Variants in SPRR2B observed in about 807,000 individuals in gnomAD.
SPRR2B encodes small proline rich protein 2B, also known as small proline-rich protein 2B.
Under a neutral mutation model 1.0 loss-of-function variants are expected in SPRR2B, and 1 was observed. The observed-to-expected ratio is 1.01, with a 90% CI of 0.36 to 4.77. SPRR2B has a LOEUF of 4.77. Among genes scored for constraint, SPRR2B ranks in the 30% most tolerant of loss-of-function variants. SPRR2B has a pLI of 0.16. For missense variants in SPRR2B, 53 were observed against 88.7 expected (o/e 0.60, Z 1.62); for synonymous variants, 27 against 33.4 (o/e 0.81, Z 0.66).
chr1:153,082,526 G>A, the SPRR2B span, among the ~76,000 whole-genome samples: 1 of 151,870 alleles, frequency 6.6e-6, no homozygotes, highest in South Asian at 2.1e-4. Flanking sequence ...CCAATCACAA[G>A]GAAATAAAAC....
the SPRR2B span, among the ~76,000 whole-genome samples, chr1:153,083,125 T>C: frequency 6.6e-6 from 1 of 152,196 alleles, no homozygotes; most frequent in African/African-American, 2.4e-5. Flanking sequence ...TTCTTAGAAA[T>C]ATACTGTCTA....
the SPRR2B span, among the ~76,000 whole-genome samples, chr1:153,081,384 T>C: frequency 1.3e-5 from 2 of 152,172 alleles, no homozygotes; most frequent in Non-Finnish European, 2.9e-5. Flanking sequence ...GATCAAGAGG[T>C]AGTGGGATGA....
the SPRR2B span, among the ~76,000 whole-genome samples, chr1:153,081,825 C>CTTTTTT: frequency 7.3e-6 from 1 of 137,002 alleles, no homozygotes; most frequent in Non-Finnish European, 1.6e-5. Flanking sequence ...CTTTTCTTTT[C>CTTTTTT]TTTTTTTTTT....
chr1:153,083,196 C>T, the SPRR2B span, among the ~76,000 whole-genome samples: 5 of 152,140 alleles, frequency 3.3e-5, no homozygotes, highest in African/African-American at 1.2e-4. Flanking sequence ...AATTGAATCA[C>T]TAATGTAAAA....
At chr1:153,086,596 A>G in the SPRR2B span, among the ~76,000 whole-genome samples, 1 of 152,158 alleles carries the variant, frequency 6.6e-6, no homozygotes, top group Non-Finnish European at 1.5e-5. Flanking sequence ...CTGAAAAGTA[A>G]GATACAACAG....
the SPRR2B span, among the ~76,000 whole-genome samples, chr1:153,079,512 T>A: frequency 6.6e-6 from 1 of 152,246 alleles, no homozygotes; most frequent in Non-Finnish European, 1.5e-5. Context: ...AACATTTAAG[T>A]CTTTAATCCA....
the SPRR2B span, among the ~76,000 whole-genome samples, chr1:153,085,029 G>A: frequency 1.3e-5 from 2 of 152,170 alleles, no homozygotes; most frequent in Non-Finnish European, 2.9e-5. Flanking sequence ...CCATCCAAAT[G>A]TCAGCAACTT....
chr1:153,070,558 G>A lies in SPRR2B; in HGVS notation c.*63C>T. 1 of 1,570,540 alleles carries A rather than the reference G, an allele frequency of 6.4e-7. No individual in the cohort carries two copies. Among genetic ancestry groups the A allele is most frequent in the Non-Finnish European group, 8.6e-7 (1 of 1,158,346 alleles). ...GCTTTGATGAGAAGATGAAGGTGGA[G>A]CTGTGGAACGAGGTGAGCCAATTAT... On this transcript the variant is annotated 3_prime_UTR_variant, in exon 2 of 2. Transcript: ENST00000368755.
the SPRR2B span, among the ~76,000 whole-genome samples, chr1:153,078,875 A>G: frequency 6.6e-6 from 1 of 152,224 alleles, no homozygotes; most frequent in African/African-American, 2.4e-5. Flanking sequence ...TTGGGTATAT[A>G]CCCAGTAATG....
At chr1:153,087,190 G>T in the SPRR2B span, among the ~76,000 whole-genome samples, 5 of 152,172 alleles carry the variant, frequency 3.3e-5, no homozygotes, top group South Asian at 1.0e-3. Context: ...TAAGGCAGGA[G>T]AATTGCTTGA....
intron 1 of SPRR2B, among the ~76,000 whole-genome samples, chr1:153,071,225 G>A (rs915241111): frequency 4.9e-5 from 7 of 142,320 alleles, no homozygotes; most frequent in Non-Finnish European, 8.0e-5. Context: ...GGCTTGACTT[G>A]GGCACAGAGC....
the SPRR2B span, among the ~76,000 whole-genome samples, chr1:153,085,658 A>G: frequency 2.6e-5 from 4 of 152,222 alleles, no homozygotes; most frequent in African/African-American, 9.6e-5. Flanking sequence ...AGAGGTAGAC[A>G]TTCAAATTCA....
upstream of SPRR2B, among the ~76,000 whole-genome samples, chr1:153,072,713 C>T (rs112878195): frequency 0.032 from 4,857 of 152,222 alleles, 240 homozygotes; most frequent in African/African-American, 0.11. Flanking sequence ...TTCCCAAAGC[C>T]CTCTAGCCCC....
In SPRR2B at chr1:153,070,959, A is replaced by G. The variant is rs1407991080; in HGVS notation, c.-19-101T>C. ...TGGCATATTATTTCTCCAATCTCCA[A>G]AAATTTATTTAAACTCTTAGCTCTC... On this transcript the variant is annotated intron_variant, in intron 1 of 1. Coordinates refer to ENST00000368755, the MANE Select transcript of SPRR2B (RefSeq NM_001388198.1). 1.7e-5 allele frequency: 17 copies of G among 1,013,766 alleles called. 2 individuals are homozygous for G. Among genetic ancestry groups the G allele is most frequent in the Non-Finnish European group, 2.4e-5 (17 of 721,450 alleles). 62.8% of individuals were successfully genotyped at this position (1,013,766 alleles called of 1,614,324 possible).
upstream of SPRR2B, among the ~76,000 whole-genome samples, chr1:153,073,487 C>CA (rs2101612243): frequency 6.6e-6 from 1 of 152,288 alleles, no homozygotes; most frequent in Non-Finnish European, 1.5e-5. Context: ...TTTATCACAG[C>CA]AGTGCAGGCA....
chr1:153,072,678 T>C (rs6689066), upstream of SPRR2B, among the ~76,000 whole-genome samples: 51,862 of 152,054 alleles, frequency 0.34, 10,028 homozygotes, highest in Non-Finnish European at 0.45. Context: ...TTATTTTATT[T>C]GTTTGTATGT....
Position 153,070,514 on chromosome 1 carries a change from C to T in SPRR2B, c.*107G>A. On this transcript the variant is annotated 3_prime_UTR_variant, in exon 2 of 2. Coordinates refer to ENST00000368755, the MANE Select transcript of SPRR2B (RefSeq NM_001388198.1). ...ATCACAGGCTAAGGGGAAAGAAGCTCCCTATGAATCCATGATAAGCTTTGA... is the reference window on the plus strand; with the variant it reads ...ATCACAGGCTAAGGGGAAAGAAGCTTCCTATGAATCCATGATAAGCTTTGA... 13 of 1,531,168 alleles carry T rather than the reference C, an allele frequency of 8.5e-6. No homozygotes were observed. Among genetic ancestry groups the T allele is most frequent in the Non-Finnish European group, 1.1e-5 (13 of 1,136,674 alleles). 94.8% of individuals were successfully genotyped at this position (1,531,168 alleles called of 1,614,324 possible). A position where few individuals can be genotyped will look rare whatever the true frequency, so the allele number is the denominator to read the frequency against.
chr1:153,078,683 G>A, the SPRR2B span, among the ~76,000 whole-genome samples: 5 of 152,288 alleles, frequency 3.3e-5, no homozygotes, highest in African/African-American at 1.2e-4. Flanking sequence ...TCCCTACAAA[G>A]GACATGAACT....
the SPRR2B span, among the ~76,000 whole-genome samples, chr1:153,077,552 A>G: frequency 6.6e-6 from 1 of 152,132 alleles, no homozygotes; most frequent in African/African-American, 2.4e-5. Flanking sequence ...CACGATGTAT[A>G]GAGATGTAAT....
Sources: gnomAD v4.1 joint callset for allele counts (sites outside exome capture counted in the v4.1 genomes callset) on GRCh38, gnomAD v4.1.1 for gene constraint, MANE v1.5 for transcripts, NCBI Gene and HGNC (gene_info 2026-07-23, HGNC 2026-07-21) for gene names.